Variants in CPPED1 observed in about 807,000 individuals in gnomAD.
The protein encoded by CPPED1 is calcineurin like phosphoesterase domain containing 1, also known as serine/threonine-protein phosphatase CPPED1.
Under a neutral mutation model 28.0 loss-of-function variants are expected in CPPED1, and 28 were observed. The ratio of observed to expected loss-of-function variants is 1.00; its 90% CI spans 0.74 to 1.37. CPPED1 has a LOEUF of 1.37. Among genes scored for constraint, CPPED1 ranks in the 40% most tolerant of loss-of-function variants. The pLI is 0.00. For missense variants in CPPED1, 504 were observed against 416.5 expected, an observed-to-expected ratio of 1.21 and a Z score of -1.83; for synonymous variants, 198 against 180.2, an observed-to-expected ratio of 1.10 and a Z score of -0.79.
chr16:12,782,127 C>T (rs1018603395), intron 1 of CPPED1, among the ~76,000 whole-genome samples: 3 of 152,104 alleles, frequency 2.0e-5, no homozygotes, highest in Non-Finnish European at 4.4e-5. Flanking sequence ...TTCCGACTGA[C>T]TCTCCTGGGC....
At chr16:12,782,243 G>C (rs2080536303) in intron 1 of CPPED1, among the ~76,000 whole-genome samples, 1 of 152,212 alleles carries the variant, frequency 6.6e-6, no homozygotes, top group East Asian at 1.9e-4. Context: ...CAGAAGTGCT[G>C]TGGGTTTCAC....
rs71142517 is a variant in CPPED1 at position 12,734,058 on chromosome 16, G to GTTTTTTTTTTTTTTT, written c.290-29024_290-29010dup. 7.8e-5 allele frequency among the ~76,000 whole-genome samples: 5 copies of GTTTTTTTTTTTTTTT among 64,424 alleles called. 1 individual carries two copies. The highest frequency in any genetic ancestry group is 4.3e-4 in the African/African-American group (5 of 11,722). 42.3% of individuals were successfully genotyped at this position (64,424 alleles called of 152,430 possible). On this transcript the variant is annotated intron_variant, in intron 2 of 3. Transcript: ENST00000381774. Reference sequence around the variant, plus strand: ...CTTTGTCTCTGTTTTCAAATTACACGTTTTTTTTTTTTTTTTTTTTTTTTT... The same window carrying GTTTTTTTTTTTTTTT: ...CTTTGTCTCTGTTTTCAAATTACACGTTTTTTTTTTTTTTTTTTTTTTTTTTTTTTTTTTTTTTTT...
intron 2 of CPPED1, among the ~76,000 whole-genome samples, chr16:12,711,331 G>A (rs2080078761): frequency 6.6e-6 from 1 of 152,188 alleles, no homozygotes; most frequent in African/African-American, 2.4e-5. Flanking sequence ...ACTTTCAGGA[G>A]GGAAGGATGG....
chr16:12,787,055 T>A (rs1425365049), intron 1 of CPPED1, among the ~76,000 whole-genome samples: 1 of 152,152 alleles, frequency 6.6e-6, no homozygotes, highest in African/African-American at 2.4e-5. Flanking sequence ...CACACACACA[T>A]ACATACACGT....
chr16:12,694,507 G>C (rs2079979158), intron 3 of CPPED1, among the ~76,000 whole-genome samples: 1 of 152,138 alleles, frequency 6.6e-6, no homozygotes, highest in East Asian at 1.9e-4. Flanking sequence ...ACCAGATGTA[G>C]CTTTGGCAGT....
At chr16:12,684,419 G>C (rs148545206) in intron 3 of CPPED1, among the ~76,000 whole-genome samples, 4 of 152,224 alleles carry the variant, frequency 2.6e-5, no homozygotes, top group African/African-American at 7.2e-5. Context: ...CATCACCTTA[G>C]GATCCTGATC....
chr16:12,790,056 G>C (rs559865714), intron 1 of CPPED1, among the ~76,000 whole-genome samples: 1 of 152,308 alleles, frequency 6.6e-6, no homozygotes, highest in African/African-American at 2.4e-5. Flanking sequence ...AGAAAGGCCT[G>C]TAGGTTTTCT....
chr16:12,802,576 G>A (rs2080667189), intron 1 of CPPED1, among the ~76,000 whole-genome samples: 1 of 152,150 alleles, frequency 6.6e-6, no homozygotes, highest in Non-Finnish European at 1.5e-5. Flanking sequence ...ACTCCAGCCT[G>A]GGCAATAAAG....
chr16:12,688,275 G>C (rs894650497), intron 3 of CPPED1, among the ~76,000 whole-genome samples: 1 of 150,572 alleles, frequency 6.6e-6, no homozygotes, highest in Admixed American at 6.7e-5. Flanking sequence ...CTTATGGGGA[G>C]AGAAATTTAA....
At chr16:12,784,718 G>C (rs771326969) in intron 1 of CPPED1, among the ~76,000 whole-genome samples, 8 of 152,180 alleles carry the variant, frequency 5.3e-5, no homozygotes, top group Non-Finnish European at 1.2e-4. Flanking sequence ...ATCAGAACCA[G>C]ATAAGGGAGG....
chr16:12,660,497 ATGTGTGTGTGTGTGTGTGTGTG>A lies in CPPED1; in HGVS notation c.*4367_*4388del, dbSNP rs61163755. 5.5e-5 allele frequency: 8 copies of A among 145,426 alleles called. No individual in the cohort carries two copies. The highest frequency in any genetic ancestry group is 2.3e-4 in the South Asian group (1 of 4,424). 9.0% of individuals were successfully genotyped at this position (145,426 alleles called of 1,614,324 possible). ...GAAAAGAATCCTCCACTTTTACTAT[ATGTGTGTGTGTGTGTGTGTGTG>A]TGTGTGTGTGTGTGTACTCATTAAA... is the stretch of plus-strand genomic sequence containing the variant. On this transcript the variant is annotated 3_prime_UTR_variant, in exon 4 of 4. Transcript: ENST00000381774.
chr16:12,734,701 T>C (rs997769932), intron 2 of CPPED1, among the ~76,000 whole-genome samples: 1 of 151,840 alleles, frequency 6.6e-6, no homozygotes, highest in Non-Finnish European at 1.5e-5. Context: ...GGTATTTAAA[T>C]GTCTGGCCTC....
chr16:12,718,472 G>A lies in CPPED1; in HGVS notation c.290-13423C>T, dbSNP rs556080403. ...GAGGATCACTTGAACCTGGGAGGCC[G>A]AGGTTGTAGTGAGCCGAAATTGTGC... is the stretch of plus-strand genomic sequence containing the variant. On this transcript the variant is annotated intron_variant, in intron 2 of 3. Transcript: ENST00000381774. Among the ~76,000 whole-genome samples the A allele has an allele frequency of 4.1e-4, 61 of 149,426 alleles. 1 individual carries two copies. Among genetic ancestry groups the A allele is most frequent in the African/African-American group, 1.4e-3 (55 of 40,534 alleles).
In CPPED1 at chr16:12,704,895, A is replaced by G; in HGVS notation, c.444T>C (p.Asp148=). Residue 148 remains aspartate, a synonymous_variant, in exon 3 of 4, where the codon GAT becomes GAC. Coordinates refer to ENST00000381774, the MANE Select transcript of CPPED1 (RefSeq NM_018340.3). The part of the protein sequence containing the change: ...TVEEFCRTWG[D]DYFSFWVGGV... Reference sequence around the variant, plus strand: ...CCCCGACCCAGAAGCTGAAGTAGTCATCTCCCCAAGTCCGGCAGAACTCCT... The same window carrying G: ...CCCCGACCCAGAAGCTGAAGTAGTCGTCTCCCCAAGTCCGGCAGAACTCCT... The G allele has an allele frequency of 6.2e-7, 1 of 1,614,156 alleles. No homozygotes were observed. The highest frequency in any genetic ancestry group is 8.5e-7 in the Non-Finnish European group (1 of 1,180,034).
chr16:12,776,634 C>A (rs563208172), intron 2 of CPPED1, among the ~76,000 whole-genome samples: 1 of 152,198 alleles, frequency 6.6e-6, no homozygotes, highest in East Asian at 1.9e-4. Flanking sequence ...TAAGATGTGC[C>A]TTTCAGCTGG....
At chr16:12,717,353 T>G (rs2141195379) in intron 2 of CPPED1, among the ~76,000 whole-genome samples, 1 of 152,300 alleles carries the variant, frequency 6.6e-6, no homozygotes, top group Non-Finnish European at 1.5e-5. Flanking sequence ...AAGCTGCGCC[T>G]CCCAGGTTCG....
At chr16:12,782,551 T>TG (rs1471619437) in intron 1 of CPPED1, among the ~76,000 whole-genome samples, 2 of 151,068 alleles carry the variant, frequency 1.3e-5, no homozygotes, top group East Asian at 3.9e-4. Context: ...AGGCTGTTTT[T>TG]TTTTTTTTTT....
intron 3 of CPPED1, among the ~76,000 whole-genome samples, chr16:12,701,710 G>A (rs1339976706): frequency 6.6e-6 from 1 of 152,180 alleles, no homozygotes; most frequent in African/African-American, 2.4e-5. Flanking sequence ...GCTGTTAGGT[G>A]CAGAATGAAC....
rs1341095270 is a variant in CPPED1 at position 12,670,415 on chromosome 16, C to T, written c.716-5300G>A. On this transcript the variant is annotated intron_variant, in intron 3 of 3. Coordinates refer to ENST00000381774, the MANE Select transcript of CPPED1 (RefSeq NM_018340.3). This position sits in a 1 kb window ranked among gnomAD's most constrained non-coding sequence, Gnocchi z 4.2. The stretch of plus-strand genomic sequence containing the variant: ...AGTAACAAATAAATGACACAGACAC[C>T]CCACCCTCTAGGAAGTAGTGCATCT... Among the ~76,000 whole-genome samples the T allele has an allele frequency of 3.3e-5, 5 of 151,950 alleles. No homozygotes were observed. The highest frequency in any genetic ancestry group is 7.3e-5 in the African/African-American group (3 of 41,342).
Sources: allele counts gnomAD v4.1 joint callset (sites outside exome capture counted in the v4.1 genomes callset), GRCh38; gene constraint gnomAD v4.1.1; non-coding constraint Gnocchi (gnomAD v3.1); transcripts MANE v1.5; gene names NCBI Gene and HGNC (gene_info 2026-07-23, HGNC 2026-07-21).